Variants in CTNNA2 observed in about 807,000 individuals in gnomAD.
CTNNA2 encodes catenin alpha-2.
A neutral mutation model predicts 101.0 loss-of-function variants in CTNNA2; 42 were observed. That is an observed-to-expected ratio of 0.42 (90% CI 0.32 to 0.54). The LOEUF is 0.54. Among genes scored for constraint, CTNNA2 ranks in the 20% least tolerant of loss-of-function variants. CTNNA2 has a pLI of 0.14. For missense variants in CTNNA2, 871 were observed against 1,223.1 expected, an observed-to-expected ratio of 0.71 and a Z score of 4.29; for synonymous variants, 450 against 456.4, an observed-to-expected ratio of 0.99 and a Z score of 0.18.
intron 2 of CTNNA2, among the ~76,000 whole-genome samples, chr2:79,288,748 A>G (rs960541586): frequency 6.6e-6 from 1 of 152,198 alleles, no homozygotes; most frequent in South Asian, 2.1e-4. Context: ...AAGTTGGCTC[A>G]GTAATACTTC....
At chr2:79,458,001 T>C (rs1670843559) in intron 4 of CTNNA2, among the ~76,000 whole-genome samples, 2 of 152,304 alleles carry the variant, frequency 1.3e-5, no homozygotes, top group Admixed American at 1.3e-4. Flanking sequence ...CAAAATAAGA[T>C]GCAGCTGCAG....
chr2:79,941,976 T>A (rs1057456824), intron 7 of CTNNA2, among the ~76,000 whole-genome samples: 2 of 152,154 alleles, frequency 1.3e-5, no homozygotes, highest in Admixed American at 6.5e-5. Flanking sequence ...CAATCCAAAT[T>A]CTCATATTGT....
At chr2:80,347,077 G>A (rs538476411) in intron 7 of CTNNA2, among the ~76,000 whole-genome samples, 46 of 152,298 alleles carry the variant, frequency 3.0e-4, no homozygotes, top group African/African-American at 1.1e-3. Flanking sequence ...TTTGCTATCT[G>A]TGGACTCATA....
intron 7 of CTNNA2, among the ~76,000 whole-genome samples, chr2:80,275,255 G>A (rs1299276361): frequency 1.3e-5 from 2 of 152,138 alleles, no homozygotes; most frequent in East Asian, 1.9e-4. Flanking sequence ...ATACCAAAAG[G>A]CAAGGCAATC....
chr2:80,031,378 C>G (rs1444170427), intron 7 of CTNNA2, among the ~76,000 whole-genome samples: 2 of 152,154 alleles, frequency 1.3e-5, no homozygotes, highest in African/African-American at 4.8e-5. Flanking sequence ...TTCCACGTGG[C>G]TGGGGAGGCC....
At chr2:79,392,330 G>A (rs1678183190) in intron 4 of CTNNA2, among the ~76,000 whole-genome samples, 2 of 152,212 alleles carry the variant, frequency 1.3e-5, no homozygotes, top group East Asian at 3.9e-4. Context: ...TCAAAACCGT[G>A]TTCTTTTAAC....
At chr2:80,162,543 AG>A in intron 7 of CTNNA2, 1 of 1,605,848 alleles carries the variant, frequency 6.2e-7, no homozygotes, top group Non-Finnish European at 8.5e-7. Context: ...TCTTCATAGA[AG>A]AAATCATCTC....
chr2:80,082,363 A>G (rs1400238374), intron 7 of CTNNA2, among the ~76,000 whole-genome samples: 1 of 152,192 alleles, frequency 6.6e-6, no homozygotes, highest in African/African-American at 2.4e-5. Flanking sequence ...ATGGGAGCAT[A>G]ACTTATGGTA....
intron 4 of CTNNA2, among the ~76,000 whole-genome samples, chr2:79,380,442 T>G (rs1573137966): frequency 6.6e-6 from 1 of 152,180 alleles, no homozygotes; most frequent in East Asian, 1.9e-4. Flanking sequence ...AACTGGGCCC[T>G]AAAGAGATAC....
intron 7 of CTNNA2, among the ~76,000 whole-genome samples, chr2:79,957,759 A>C (rs1229859010): frequency 6.6e-6 from 1 of 152,202 alleles, no homozygotes; most frequent in Non-Finnish European, 1.5e-5. Context: ...TTTGTTGAGA[A>C]GTTCTAATGC....
intron 4 of CTNNA2, among the ~76,000 whole-genome samples, chr2:79,406,193 C>G (rs1678340042): frequency 1.3e-5 from 2 of 152,004 alleles, no homozygotes; most frequent in African/African-American, 4.8e-5. Flanking sequence ...AATTCCTAGT[C>G]AAAAAGAATC....
At chr2:80,551,009 A>G (rs910046459) in intron 11 of CTNNA2, among the ~76,000 whole-genome samples, 8 of 152,198 alleles carry the variant, frequency 5.3e-5, no homozygotes, top group African/African-American at 1.9e-4. Context: ...TTTCTAAATA[A>G]TAAGACTTGA....
At chr2:80,321,987 G>C (rs1434342722) in intron 7 of CTNNA2, among the ~76,000 whole-genome samples, 1 of 151,982 alleles carries the variant, frequency 6.6e-6, no homozygotes, top group Non-Finnish European at 1.5e-5. Context: ...AGGGTAGAGT[G>C]GTTATTCCTC....
chr2:79,877,876 A>G (rs1315739443), intron 6 of CTNNA2, among the ~76,000 whole-genome samples: 1 of 152,200 alleles, frequency 6.6e-6, no homozygotes. Context: ...TCCAGGATAC[A>G]CGTGCAAAAT....
At chr2:79,916,725 G>A (rs1440145289) in intron 7 of CTNNA2, among the ~76,000 whole-genome samples, 1 of 151,456 alleles carries the variant, frequency 6.6e-6, no homozygotes. Context: ...TGGGACAACA[G>A]GATTCTCCTG....
Position 80,312,905 on chromosome 2 carries a change from A to T in CTNNA2, c.1057-80306A>T, listed in dbSNP as rs1188577816. On this transcript the variant is annotated intron_variant, in intron 7 of 18. Transcript: ENST00000402739. Reference sequence around the variant, plus strand: ...TATAGAGACATGAGAATTGCCACATAGCACTAGTAAATATGTTTTCTCTTC... The same window carrying T: ...TATAGAGACATGAGAATTGCCACATTGCACTAGTAAATATGTTTTCTCTTC... Among the ~76,000 whole-genome samples the T allele has an allele frequency of 2.6e-5, 4 of 152,346 alleles. 1 individual carries two copies. The Middle Eastern group carries it at 0.01, about 389-fold the overall frequency.
At chr2:79,728,376 T>G (rs1344245565) in intron 2 of CTNNA2, among the ~76,000 whole-genome samples, 2 of 152,244 alleles carry the variant, frequency 1.3e-5, no homozygotes, top group East Asian at 3.8e-4. Context: ...ATAAATGTCT[T>G]GTTTTGAGAA....
chr2:79,877,414 A>G (rs1210188932), intron 6 of CTNNA2, among the ~76,000 whole-genome samples: 1 of 152,210 alleles, frequency 6.6e-6, no homozygotes, highest in African/African-American at 2.4e-5. Context: ...CACTTCTGAC[A>G]TCAGCAAACC....
chr2:80,483,368 T>TATA (rs1686296542), intron 9 of CTNNA2, among the ~76,000 whole-genome samples: 1 of 146,096 alleles, frequency 6.8e-6, no homozygotes. Context: ...TGTTGTTGTT[T>TATA]TATATATATA....
Sources: allele counts gnomAD v4.1 joint callset (sites outside exome capture counted in the v4.1 genomes callset), GRCh38; gene constraint gnomAD v4.1.1; transcripts MANE v1.5; gene names NCBI Gene and HGNC (gene_info 2026-07-23, HGNC 2026-07-21).